NRXN3: variants seen among roughly 807,000 people sequenced by gnomAD.
NRXN3 encodes the protein neurexin III.
A neutral mutation model predicts 137.6 loss-of-function variants in NRXN3; 32 were observed. The ratio of observed to expected loss-of-function variants is 0.23; its 90% CI spans 0.18 to 0.31. The LOEUF (loss-of-function observed/expected upper bound fraction) is 0.31, where lower values mean the gene tolerates loss of function less well. Ranked by LOEUF, NRXN3 falls within the 10% of genes least tolerant of loss-of-function variation. NRXN3 has a pLI of 1.00. For synonymous variants in NRXN3, 798 were observed against 784.5 expected, an observed-to-expected ratio of 1.02 and a Z score of -0.29; for missense variants, 1,574 against 2,062.5, an observed-to-expected ratio of 0.76 and a Z score of 4.59.
At chr14:79,130,478 C>G (rs986688178) in intron 15 of NRXN3, among the ~76,000 whole-genome samples, 142 of 152,034 alleles carry the variant, frequency 9.3e-4, no homozygotes, top group African/African-American at 2.4e-3. Flanking sequence ...GTTGAAAATT[C>G]TTTTCTTTAA....
intron 6 of NRXN3, among the ~76,000 whole-genome samples, chr14:78,689,576 G>A (rs1038037648): frequency 2.6e-5 from 4 of 152,098 alleles, no homozygotes; most frequent in Non-Finnish European, 4.4e-5. Context: ...CAAATATATG[G>A]TATCACTAGA....
chr14:78,782,516 G>A (rs2098773579), intron 8 of NRXN3, among the ~76,000 whole-genome samples: 1 of 152,138 alleles, frequency 6.6e-6, no homozygotes, highest in Admixed American at 6.5e-5. Context: ...CAAGAAATCT[G>A]GATTGACCAG....
intron 18 of NRXN3, among the ~76,000 whole-genome samples, chr14:79,695,405 G>C (rs1370333415): frequency 6.6e-6 from 1 of 151,962 alleles, no homozygotes; most frequent in Non-Finnish European, 1.5e-5. Flanking sequence ...AAAATAAAGA[G>C]ATGGATAAAT....
At chr14:78,866,256 C>T (rs1266955155) in intron 10 of NRXN3, among the ~76,000 whole-genome samples, 1 of 152,252 alleles carries the variant, frequency 6.6e-6, no homozygotes. Context: ...ACGTTTTCAT[C>T]ATCACACTGA....
rs181885908 is a variant in NRXN3, at chr14:78,539,291, A to C, written c.758-105829A>C. 3.1e-3 allele frequency among the ~76,000 whole-genome samples: 470 copies of C among 152,220 alleles called. 2 individuals carry two copies. Among genetic ancestry groups the C allele is most frequent in the Middle Eastern group, 6.8e-3 (2 of 294 alleles). On this transcript the variant is annotated intron_variant, in intron 4 of 20. Coordinates refer to ENST00000335750, the MANE Select transcript of NRXN3 (RefSeq NM_001330195.2). The stretch of plus-strand genomic sequence containing the variant: ...TTATTAATTATTGCCTCAATTTCAG[A>C]GCCTGTTATTGGTCTATTCAGAGAT...
chr14:78,772,873 T>A (rs1373414994), intron 8 of NRXN3, among the ~76,000 whole-genome samples: 1 of 152,222 alleles, frequency 6.6e-6, no homozygotes, highest in Non-Finnish European at 1.5e-5. Flanking sequence ...AATAAGAAAT[T>A]AAAAACAAAC....
At chr14:78,272,737 C>G (rs1256406344) in intron 2 of NRXN3, among the ~76,000 whole-genome samples, 1 of 152,164 alleles carries the variant, frequency 6.6e-6, no homozygotes, top group African/African-American at 2.4e-5. Flanking sequence ...TTGACCCTTA[C>G]CTGATGTGCT....
intron 19 of NRXN3, among the ~76,000 whole-genome samples, chr14:79,778,002 A>C (rs904561471): frequency 6.6e-6 from 1 of 152,116 alleles, no homozygotes; most frequent in African/African-American, 2.4e-5. Context: ...ATGCACTGTA[A>C]CTTCTCTATA....
intron 10 of NRXN3, among the ~76,000 whole-genome samples, chr14:78,813,510 G>A (rs2098921255): frequency 6.6e-6 from 1 of 152,084 alleles, no homozygotes; most frequent in Non-Finnish European, 1.5e-5. Flanking sequence ...TCAAAACAGA[G>A]CTTCTTTTTT....
At chr14:78,577,990 A>G (rs936151284) in intron 4 of NRXN3, among the ~76,000 whole-genome samples, 1 of 152,162 alleles carries the variant, frequency 6.6e-6, no homozygotes, top group Non-Finnish European at 1.5e-5. Flanking sequence ...GTGGGTTCAC[A>G]GGGAAATAAA....
At chr14:78,845,531 C>G (rs1461650961) in intron 10 of NRXN3, among the ~76,000 whole-genome samples, 1 of 152,002 alleles carries the variant, frequency 6.6e-6, no homozygotes, top group East Asian at 1.9e-4. Context: ...TTCCTCCCCA[C>G]TGACTTCTGC....
intron 15 of NRXN3, among the ~76,000 whole-genome samples, chr14:79,080,318 A>G (rs1595730911): frequency 6.6e-6 from 1 of 152,234 alleles, no homozygotes; most frequent in African/African-American, 2.4e-5. Flanking sequence ...CACTGGGCAG[A>G]AGCAGACATG....
chr14:79,858,117 T>G (rs932252084), intron 20 of NRXN3, among the ~76,000 whole-genome samples: 5 of 151,860 alleles, frequency 3.3e-5, no homozygotes, highest in African/African-American at 9.7e-5. Context: ...ACCCTCTTAC[T>G]GTAGAGTTAT....
intron 4 of NRXN3, among the ~76,000 whole-genome samples, chr14:78,608,696 A>G (rs1601292739): frequency 1.3e-5 from 2 of 152,214 alleles, no homozygotes; most frequent in Admixed American, 6.5e-5. Context: ...TTTAATGACA[A>G]TGCACAATGT....
intron 6 of NRXN3, among the ~76,000 whole-genome samples, chr14:78,655,778 A>G (rs779654680): frequency 9.9e-5 from 15 of 152,232 alleles, no homozygotes; most frequent in Non-Finnish European, 2.1e-4. Flanking sequence ...ATTAAAAAGT[A>G]TCATAGGCTG....
At chr14:79,288,498 A>G (rs896176747) in intron 15 of NRXN3, among the ~76,000 whole-genome samples, 4 of 152,224 alleles carry the variant, frequency 2.6e-5, no homozygotes, top group Admixed American at 6.5e-5. Flanking sequence ...ATGTGACTTC[A>G]TTTAATCCTC....
intron 15 of NRXN3, among the ~76,000 whole-genome samples, chr14:79,437,966 T>C (rs543673248): frequency 5.3e-5 from 8 of 152,326 alleles, no homozygotes; most frequent in African/African-American, 1.9e-4. Context: ...CTCATTCAAT[T>C]TTTTTAGTTC....
chr14:79,042,244 G>T (rs537522236), intron 15 of NRXN3, among the ~76,000 whole-genome samples: 5 of 152,270 alleles, frequency 3.3e-5, no homozygotes, highest in Admixed American at 1.3e-4. Flanking sequence ...TTTTCTGTAG[G>T]AGTACCTGCA....
In NRXN3 at chr14:79,774,396, G is replaced by A. The variant is rs543399641; in HGVS notation, c.4015-30716G>A. ...AGGCTTATGGCGACCTTGCTTACCC[G>A]AAAGCAAATTACTTCCCTCTCATTT... On this transcript the variant is annotated intron_variant, in intron 19 of 20. Transcript: ENST00000335750. Among the ~76,000 whole-genome samples, 209 of 152,270 alleles carry A rather than the reference G, an allele frequency of 1.4e-3. 2 individuals carry two copies. Among genetic ancestry groups the A allele is most frequent in the East Asian group, 4.4e-3 (23 of 5,180 alleles).
Sources: gnomAD v4.1 joint callset for allele counts (sites outside exome capture counted in the v4.1 genomes callset) on GRCh38, gnomAD v4.1.1 for gene constraint, MANE v1.5 for transcripts, NCBI Gene and HGNC (gene_info 2026-07-23, HGNC 2026-07-21) for gene names.